The following ENO4 variants were observed in gnomAD, a reference collection of about 807,000 sequenced individuals.
ENO4 encodes enolase 4, also known as 2-phospho-D-glycerate hydro-lyase.
In ENO4, 53 loss-of-function variants were observed where a neutral mutation model predicts 63.2. The observed-to-expected ratio is 0.84, with a 90% CI of 0.67 to 1.05. ENO4 has a LOEUF of 1.05. Among genes scored for constraint, ENO4 ranks in the 50% least tolerant of loss-of-function variants. The pLI is 0.00. For missense variants in ENO4, 719 were observed against 772.0 expected (o/e 0.93, Z 0.81); for synonymous variants, 266 against 283.8 (o/e 0.94, Z 0.63).
intron 10 of ENO4, chr10:116,901,377 T>C (rs1439843161): frequency 1.0e-6 from 1 of 985,308 alleles, no homozygotes; most frequent in East Asian, 1.1e-4. Flanking sequence ...AACGTGCCCT[T>C]CTAAGTAGTC....
intron 13 of ENO4, 106 bp from the exon 14 acceptor site, chr10:116,881,409 G>T: frequency 1.2e-6 from 1 of 818,498 alleles, no homozygotes; most frequent in East Asian, 2.8e-5. Flanking sequence ...CGATGGTGAT[G>T]TGACACCTTT....
intron 8 of ENO4, 116 bp from the exon 9 acceptor site, chr10:116,871,009 A>C (rs1195045268): frequency 1.4e-5 from 12 of 854,668 alleles, no homozygotes; most frequent in Non-Finnish European, 2.1e-5. Context: ...AGGATTGAGA[A>C]TCAAAGGACT....
intron 10 of ENO4, among the ~76,000 whole-genome samples, chr10:116,907,529 T>C (rs963421942): frequency 3.3e-5 from 5 of 152,178 alleles, no homozygotes; most frequent in African/African-American, 4.8e-5. Context: ...TTCCGGGAAG[T>C]ATGTTACAGA....
In ENO4 at chr10:116,879,345, G is replaced by A; in HGVS notation, c.1592G>A (p.Ser531Asn). The change falls in exon 12 of 14, where the codon AGC becomes AAC. Residue 531 changes from serine to asparagine, a missense_variant. Coordinates refer to ENST00000341276, the MANE Select transcript of ENO4 (RefSeq NM_001242699.2). ...ACAGAAGGAGAATCATCTGATGACA[G>A]CCTTGTCGATTTGGTAAGTGCTGAA... is the stretch of plus-strand genomic sequence containing the variant. ...GSTEGESSDD[S>N]LVDLAVGLGV... 2 of 1,549,960 alleles carry A rather than the reference G, an allele frequency of 1.3e-6. No individual in the cohort carries two copies. Among genetic ancestry groups the A allele is most frequent in the Non-Finnish European group, 1.7e-6 (2 of 1,146,516 alleles).
Position 116,879,970 on chromosome 10 carries a change from C to G in ENO4, c.1707C>G (p.Val569=). 6.5e-7 allele frequency: 1 copy of G among 1,549,530 alleles called. No individual in the cohort carries two copies. Among genetic ancestry groups the G allele is most frequent in the Non-Finnish European group, 8.7e-7 (1 of 1,145,930 alleles). The change falls in exon 13 of 14, where the codon GTC becomes GTG. Residue 569 remains valine, a synonymous_variant. Transcript: ENST00000341276. ...TTCTCACTATAGAGGAAGAACTTGT[C>G]CAGAATGGAACACTGGGTATGCGCT... ...NRLLTIEEEL[V]QNGTLGFKEE...
chr10:116,890,531 T>C (rs1847307507), intron 10 of ENO4, among the ~76,000 whole-genome samples: 1 of 152,232 alleles, frequency 6.6e-6, no homozygotes, highest in African/African-American at 2.4e-5. Context: ...TATGATCCAT[T>C]CATATAGATA....
chr10:116,888,520 A>AG (rs1491161149), intron 10 of ENO4, among the ~76,000 whole-genome samples: 5 of 152,212 alleles, frequency 3.3e-5, no homozygotes, highest in African/African-American at 9.7e-5. Context: ...GTAAAGTGAC[A>AG]GAGACTGGGG....
intron 11 of ENO4, among the ~76,000 whole-genome samples, chr10:116,878,538 G>A (rs1846900449): frequency 6.6e-6 from 1 of 152,042 alleles, no homozygotes; most frequent in South Asian, 2.1e-4. Flanking sequence ...AATGAAAGGA[G>A]AAAGCCATTA....
intron 10 of ENO4, chr10:116,900,171 T>C (rs1236885437): frequency 5.2e-6 from 1 of 191,562 alleles, no homozygotes; most frequent in African/African-American, 2.3e-5. Flanking sequence ...AGTTATTTTA[T>C]TTAGCTAAAG....
At chr10:116,875,692 T>G (rs985785376) in intron 10 of ENO4, among the ~76,000 whole-genome samples, 2 of 152,230 alleles carry the variant, frequency 1.3e-5, no homozygotes, top group Admixed American at 6.5e-5. Flanking sequence ...TTGCAGGCTT[T>G]CTTTTTCCAT....
At chr10:116,866,395 G>A (rs1846547578) in intron 7 of ENO4, among the ~76,000 whole-genome samples, 1 of 152,236 alleles carries the variant, frequency 6.6e-6, no homozygotes, top group Admixed American at 6.5e-5. Context: ...TAAAGATTAT[G>A]TAGTGTAGCA....
chr10:116,852,917 T>C (rs912232494), intron 1 of ENO4, among the ~76,000 whole-genome samples: 4 of 152,104 alleles, frequency 2.6e-5, no homozygotes, highest in Admixed American at 2.6e-4. Flanking sequence ...CAAAAGAATT[T>C]CCCAGTTGAA....
chr10:116,886,525 C>T, downstream of ENO4: 5 of 1,614,110 alleles, frequency 3.1e-6, no homozygotes, highest in South Asian at 5.5e-5. Context: ...TTGTTTTTCA[C>T]CGTCAATGTA....
chr10:116,868,719 ATTGT>A lies in ENO4; in HGVS notation c.1047+16_1047+19del, dbSNP rs1183071962. On this transcript the variant is annotated intron_variant, in intron 8 of 13. Transcript: ENST00000341276. ...CAAAAGAGGTCAAGTAAGTCTATAT[ATTGT>A]TTACCATCCTTCCATATGACACTGT... is the stretch of plus-strand genomic sequence containing the variant. 6.5e-7 allele frequency: 1 copy of A among 1,545,756 alleles called. No homozygotes were observed. The highest frequency in any genetic ancestry group is 8.8e-7 in the Non-Finnish European group (1 of 1,142,736).
chr10:116,910,870 C>T (rs1314572759), intron 10 of ENO4, among the ~76,000 whole-genome samples: 1 of 152,218 alleles, frequency 6.6e-6, no homozygotes, highest in East Asian at 1.9e-4. Flanking sequence ...CAGTGCTAAT[C>T]CCACTCACTT....
At chr10:116,893,102 T>C (rs1245528006) in intron 10 of ENO4, among the ~76,000 whole-genome samples, 1 of 152,236 alleles carries the variant, frequency 6.6e-6, no homozygotes, top group Non-Finnish European at 1.5e-5. Flanking sequence ...ATTTTTACAC[T>C]AGGTGTAATA....
rs562695793 is a variant in ENO4 at position 116,900,354 on chromosome 10, T to C, written c.1195-11145T>C. ...AAATTGAGCTTCACATCTGCCTTTA[T>C]GGCATCTAACAACTGTGTCTGTCAA... On this transcript the variant is annotated intron_variant, in intron 10 of 10. Coordinates refer to the ENO4 transcript ENST00000369207. The C allele has an allele frequency of 2.0e-3, 1,212 of 604,586 alleles. 2 individuals carry two copies. Among genetic ancestry groups the C allele is most frequent in the Middle Eastern group, 9.2e-3 (25 of 2,704 alleles). 37.5% of individuals were successfully genotyped at this position (604,586 alleles called of 1,614,324 possible). A position where few individuals can be genotyped will look rare whatever the true frequency, so the allele number is the denominator to read the frequency against.
rs192334426 is a variant in ENO4 at position 116,903,390 on chromosome 10, T to C, written c.1195-8109T>C. Among the ~76,000 whole-genome samples the C allele has an allele frequency of 6.3e-3, 961 of 152,002 alleles. 9 individuals are homozygous for C. The highest frequency in any genetic ancestry group is 0.01 in the Non-Finnish European group (684 of 67,950). ...TCTACTAGAAATCAGCCAGGTTTGATGGTGGGCGCCTGTAATCCCAGCTAC... is the reference window on the plus strand; with the variant it reads ...TCTACTAGAAATCAGCCAGGTTTGACGGTGGGCGCCTGTAATCCCAGCTAC... On this transcript the variant is annotated intron_variant, in intron 10 of 10. Transcript: ENST00000369207.
intron 9 of ENO4, among the ~76,000 whole-genome samples, chr10:116,871,956 GGA>G (rs1297759751): frequency 6.6e-6 from 1 of 152,222 alleles, no homozygotes; most frequent in Non-Finnish European, 1.5e-5. Context: ...CAGCACTTTG[GGA>G]GGCCGAGGTG....
Sources: allele counts gnomAD v4.1 joint callset (sites outside exome capture counted in the v4.1 genomes callset), GRCh38; gene constraint gnomAD v4.1.1; transcripts MANE v1.5; gene names NCBI Gene and HGNC (gene_info 2026-07-23, HGNC 2026-07-21).